ZNF578: variants seen among roughly 807,000 people sequenced by gnomAD.
ZNF578 encodes Putative chemokine-related protein B42.
A neutral mutation model predicts 8.3 loss-of-function variants in ZNF578; 8 were observed. That is an observed-to-expected ratio of 0.96 (90% CI 0.56 to 1.74). The LOEUF (loss-of-function observed/expected upper bound fraction) is 1.74, where lower values mean the gene tolerates loss of function less well. Ranked by LOEUF, ZNF578 falls within the 40% of genes most tolerant of loss-of-function variation. The probability of loss-of-function intolerance (pLI) is 0.00; values close to 1 mark genes in which losing one functional copy is unlikely to be tolerated. For synonymous variants in ZNF578, 206 were observed against 232.2 expected (o/e 0.89, Z 1.03); for missense variants, 726 against 707.5 (o/e 1.03, Z -0.30).
At chr19:52,475,647 G>A (rs540055320) in intron 2 of ZNF578, among the ~76,000 whole-genome samples, 36 of 152,266 alleles carry the variant, frequency 2.4e-4, no homozygotes, top group African/African-American at 4.1e-4. Context: ...GTGAGCCACC[G>A]CGCCTGGCTG....
intron 3 of ZNF578, among the ~76,000 whole-genome samples, chr19:52,499,688 C>G (rs161932): frequency 1.4e-5 from 2 of 147,136 alleles, no homozygotes; most frequent in African/African-American, 2.5e-5. Flanking sequence ...ACTTCCAAAT[C>G]GTTTTTTTTT....
chr19:52,481,722 C>T (rs2059327082), intron 2 of ZNF578, among the ~76,000 whole-genome samples: 1 of 152,080 alleles, frequency 6.6e-6, no homozygotes, highest in East Asian at 1.9e-4. Context: ...TCTGTTATTA[C>T]ATAATACTTT....
At chr19:52,492,252 T>G (rs930290537) in intron 3 of ZNF578, among the ~76,000 whole-genome samples, 2 of 146,282 alleles carry the variant, frequency 1.4e-5, no homozygotes, top group African/African-American at 5.1e-5. Flanking sequence ...ACCAGGCTGG[T>G]CTGGACCCCC....
At position 52,511,996 on chromosome 19, in the gene ZNF578, T is replaced by TA. The variant is rs766649801; in HGVS notation, c.1616dup (p.Tyr539Ter). The TA allele has an allele frequency of 1.5e-5, 25 of 1,613,958 alleles. No individual in the cohort carries two copies. The highest frequency in any genetic ancestry group is 2.1e-5 in the Non-Finnish European group (25 of 1,180,010). ...HHRLHTGEKP[Y>*]KCKVCDKAFM... Reference sequence around the variant, plus strand: ...TAGACTTCATACTGGAGAGAAACCTTACAAATGTAAGGTTTGTGACAAGGC... The same window carrying TA: ...TAGACTTCATACTGGAGAGAAACCTTAACAAATGTAAGGTTTGTGACAAGGC... The change falls in exon 6 of 6, where the codon TAC becomes TAAC. Residue 539 changes from tyrosine (Y) to a stop codon, truncating the protein, a stop_gained and frameshift_variant. Transcript: ENST00000421239. LOFTEE classifies it low-confidence loss of function (END_TRUNC).
chr19:52,471,742 A>G (rs1033462386), intron 2 of ZNF578, among the ~76,000 whole-genome samples: 8 of 152,180 alleles, frequency 5.3e-5, no homozygotes, highest in Non-Finnish European at 1.2e-4. Flanking sequence ...TGGCATCATC[A>G]TTATCAATAT....
At chr19:52,466,980 T>C (rs1196360336) in intron 2 of ZNF578, among the ~76,000 whole-genome samples, 2 of 152,142 alleles carry the variant, frequency 1.3e-5, no homozygotes, top group Non-Finnish European at 2.9e-5. Flanking sequence ...TTGAACTCAT[T>C]TCACGTTTTC....
At chr19:52,507,358 A>G (rs1192095866) in intron 5 of ZNF578, among the ~76,000 whole-genome samples, 2 of 152,314 alleles carry the variant, frequency 1.3e-5, no homozygotes, top group Admixed American at 1.3e-4. Flanking sequence ...ACTGCACTCC[A>G]GCCTGTATGA....
intron 5 of ZNF578, among the ~76,000 whole-genome samples, chr19:52,506,945 T>G (rs1404224053): frequency 2.6e-5 from 4 of 152,250 alleles, no homozygotes; most frequent in African/African-American, 9.6e-5. Flanking sequence ...ACTCATTTCA[T>G]CGTTCTGTTA....
At position 52,504,665 on chromosome 19, in the gene ZNF578, C is replaced by G. The variant is rs1263350981; in HGVS notation, c.74C>G (p.Thr25Ser). Residue 25 changes from threonine to serine, a missense_variant, in exon 5 of 6, where the codon ACT (threonine) becomes AGT (serine). Physicochemically the swap from Thr to Ser is moderately conservative, Grantham distance 58. Transcript: ENST00000421239. ...TGTGTTTCATTTTAGGGACGCTTGACTTTCAGGGATGTGGCTATAGAATTC... is the reference window on the plus strand; with the variant it reads ...TGTGTTTCATTTTAGGGACGCTTGAGTTTCAGGGATGTGGCTATAGAATTC... The part of the protein sequence containing the change: ...PGMALPQGRL[T>S]FRDVAIEFSL... 1 of 1,614,034 alleles carries G rather than the reference C, an allele frequency of 6.2e-7. No homozygotes were observed. Among genetic ancestry groups the G allele is most frequent in the Non-Finnish European group, 8.5e-7 (1 of 1,180,000 alleles).
At chr19:52,504,086 G>A (rs1377561429) in intron 4 of ZNF578, among the ~76,000 whole-genome samples, 3 of 150,584 alleles carry the variant, frequency 2.0e-5, no homozygotes, top group South Asian at 2.1e-4. Flanking sequence ...GAGAGCCACC[G>A]CCTGGCATTG....
At chr19:52,459,713 A>ATGTGTGTATATGTGTGTGTGTG (rs1187045005) in intron 2 of ZNF578, among the ~76,000 whole-genome samples, 2 of 18,240 alleles carry the variant, frequency 1.1e-4, no homozygotes, top group African/African-American at 2.8e-4. Context: ...ATATGTAGAT[A>ATGTGTGTATATGTGTGTGTGTG]TGTGTGTGTG....
At chr19:52,462,198 A>G (rs1284899767) in intron 2 of ZNF578, among the ~76,000 whole-genome samples, 1 of 152,114 alleles carries the variant, frequency 6.6e-6, no homozygotes, top group African/African-American at 2.4e-5. Flanking sequence ...GTTGGACCGA[A>G]CTCTGTGAAT....
At chr19:52,492,973 C>G (rs1568462479) in intron 3 of ZNF578, 1 of 152,280 alleles carries the variant, frequency 6.6e-6, no homozygotes, top group Non-Finnish European at 1.5e-5. Context: ...TGTCTTCATT[C>G]ACATAGAGCA....
intron 5 of ZNF578, among the ~76,000 whole-genome samples, chr19:52,508,989 G>C (rs809103): frequency 0.21 from 29,891 of 145,682 alleles, 3,171 homozygotes; most frequent in Admixed American, 0.23. Context: ...GCAACCTCCG[G>C]CTCCTGGGTT....
intron 3 of ZNF578, chr19:52,492,771 A>G (rs541859343): frequency 1.3e-5 from 2 of 152,032 alleles, no homozygotes; most frequent in South Asian, 2.1e-4. Flanking sequence ...AGGACCCGCC[A>G]AACTGTTCGC....
In ZNF578 at chr19:52,507,064, C is replaced by G. The variant is rs2059427993; in HGVS notation, c.190+2283C>G. Among the ~76,000 whole-genome samples, 5 of 152,174 alleles carry G rather than the reference C, an allele frequency of 3.3e-5. No individual in the cohort carries two copies. The South Asian group carries it at 1.0e-3, about 32-fold the overall frequency. ...GGTCAGGAGTTTGAGACCAGTCGGG[C>G]AAACATAATGAAACCTTGAATCTAC... On this transcript the variant is annotated intron_variant, in intron 5 of 5. Transcript: ENST00000421239.
At chr19:52,504,856 T>A in intron 5 of ZNF578, 75 bp downstream of exon 5, 1 of 1,589,782 alleles carries the variant, frequency 6.3e-7, no homozygotes, top group East Asian at 2.2e-5. Flanking sequence ...TGTATTCTCT[T>A]TTGTGATTTT....
At chr19:52,463,768 G>A (rs932767742) in intron 2 of ZNF578, among the ~76,000 whole-genome samples, 2 of 152,074 alleles carry the variant, frequency 1.3e-5, no homozygotes, top group African/African-American at 4.8e-5. Context: ...AGCTGTTTGG[G>A]CTGAGGAAAA....
rs1491564723 is a variant in ZNF578, at chr19:52,498,330, T to TA, written c.-19-3497_-19-3496insA. Among the ~76,000 whole-genome samples the TA allele has an allele frequency of 4.8e-4, 10 of 20,900 alleles. No individual in the cohort carries two copies. The African/African-American group carries it at 4.8e-3, about 10-fold the overall frequency. 13.7% of individuals were successfully genotyped at this position (20,900 alleles called of 152,430 possible). A position where few individuals can be genotyped will look rare whatever the true frequency, so the allele number is the denominator to read the frequency against. ...CACCACCACGCCTGGCTAATGTGTG[T>TA]TTTTTTTTTTTTTTTTTTTGAGATG... On this transcript the variant is annotated intron_variant, in intron 3 of 5. Coordinates refer to ENST00000421239, the MANE Select transcript of ZNF578 (RefSeq NM_001099694.2).
Sources: allele counts gnomAD v4.1 joint callset (sites outside exome capture counted in the v4.1 genomes callset), GRCh38; gene constraint gnomAD v4.1.1; transcripts MANE v1.5; gene names NCBI Gene and HGNC (gene_info 2026-07-23, HGNC 2026-07-21).